Variants in SERINC5 observed in about 807,000 individuals in gnomAD.
The protein encoded by SERINC5 is serine incorporator 5.
A neutral mutation model predicts 63.1 loss-of-function variants in SERINC5; 41 were observed. The observed-to-expected ratio is 0.65, with a 90% CI of 0.51 to 0.84. The LOEUF is 0.84. Ranked by LOEUF, SERINC5 falls within the 40% of genes least tolerant of loss-of-function variation. The pLI is 0.00. For synonymous variants in SERINC5, 222 were observed against 215.2 expected, an observed-to-expected ratio of 1.03 and a Z score of -0.28; for missense variants, 523 against 573.0, an observed-to-expected ratio of 0.91 and a Z score of 0.89.
chr5:80,174,774 A>T (rs940844468), intron 5 of SERINC5, among the ~76,000 whole-genome samples, 180 bp downstream of exon 5: 2 of 152,112 alleles, frequency 1.3e-5, no homozygotes, highest in Non-Finnish European at 2.9e-5. Context: ...GCAAGGGAGT[A>T]GGGGCAGGGG....
chr5:80,139,169 G>A lies in SERINC5; in HGVS notation c.*4494C>T, dbSNP rs543875178. ...CCACATAATTTGGCTACAGCTAATC[G>A]TTTCAGAAAAGTTTAAAAAATTAGC... On this transcript the variant is annotated 3_prime_UTR_variant, in exon 12 of 12. Coordinates refer to ENST00000507668, the MANE Select transcript of SERINC5 (RefSeq NM_001174072.3). The A allele has an allele frequency of 2.0e-4, 201 of 984,746 alleles. 2 individuals are homozygous for A. In the South Asian group the frequency reaches 8.2e-3, roughly 40 times the overall value. The allele number at this position is 984,746 out of a possible 1,614,324, so 61.0% of individuals were successfully genotyped here.
intron 8 of SERINC5, among the ~76,000 whole-genome samples, chr5:80,154,603 C>T (rs544329778): frequency 6.6e-6 from 1 of 152,068 alleles, no homozygotes; most frequent in Admixed American, 6.6e-5. Flanking sequence ...CCCACCCCCC[C>T]ATAAAGGCCC....
Position 80,139,576 on chromosome 5 carries a change from G to A in SERINC5, c.*4087C>T. ...TTTCAAAATGACTGCCTCTGTGAAA[G>A]AGTTGTTGAGAAAGAAGAAAAGAGA... On this transcript the variant is annotated 3_prime_UTR_variant, in exon 12 of 12. Coordinates refer to ENST00000507668, the MANE Select transcript of SERINC5 (RefSeq NM_001174072.3). 1 of 974,568 alleles carries A rather than the reference G, an allele frequency of 1.0e-6. No individual in the cohort carries two copies. Among genetic ancestry groups the A allele is most frequent in the Non-Finnish European group, 1.2e-6 (1 of 828,452 alleles). The allele number at this position is 974,568 out of a possible 1,614,324, so 60.4% of individuals were successfully genotyped here. A position where few individuals can be genotyped will look rare whatever the true frequency, so the allele number is the denominator to read the frequency against.
At chr5:80,244,766 G>A (rs952628982) in intron 1 of SERINC5, among the ~76,000 whole-genome samples, 5 of 152,126 alleles carry the variant, frequency 3.3e-5, no homozygotes, top group Admixed American at 2.0e-4. Flanking sequence ...AGGTTGCAGT[G>A]AGCTGAGATC....
chr5:80,170,550 C>T (rs1329793171), intron 5 of SERINC5, among the ~76,000 whole-genome samples: 1 of 152,184 alleles, frequency 6.6e-6, no homozygotes, highest in Non-Finnish European at 1.5e-5. Flanking sequence ...TGAGTTTGAG[C>T]AGTCCTGAGA....
At position 80,141,407 on chromosome 5, in the gene SERINC5, C is replaced by T. The variant is rs1745495998; in HGVS notation, c.*2256G>A. On this transcript the variant is annotated 3_prime_UTR_variant, in exon 12 of 12. Coordinates refer to ENST00000507668, the MANE Select transcript of SERINC5 (RefSeq NM_001174072.3). ...TTTCTGCAGAGGAAAGGGCCAATCACGGCCAGCCAAGGAATACAAGGCCTT... is the reference window on the plus strand; with the variant it reads ...TTTCTGCAGAGGAAAGGGCCAATCATGGCCAGCCAAGGAATACAAGGCCTT... The T allele has an allele frequency of 4.3e-5, 42 of 985,316 alleles. No individual in the cohort carries two copies. Among genetic ancestry groups the T allele is most frequent in the Non-Finnish European group, 4.9e-5 (41 of 829,940 alleles). 61.0% of individuals were successfully genotyped at this position (985,316 alleles called of 1,614,324 possible).
At chr5:80,117,069 G>A (rs1430947480) in intron 11 of SERINC5, among the ~76,000 whole-genome samples, 3 of 151,978 alleles carry the variant, frequency 2.0e-5, no homozygotes, top group East Asian at 1.9e-4. Context: ...GATCTCAGGC[G>A]ATCCGCCCGC....
intron 1 of SERINC5, among the ~76,000 whole-genome samples, chr5:80,250,037 CAA>C (rs1752335227): frequency 6.6e-6 from 1 of 152,052 alleles, no homozygotes; most frequent in African/African-American, 2.4e-5. Flanking sequence ...TCACTATAAA[CAA>C]AGAGCAATAG....
intron 1 of SERINC5, among the ~76,000 whole-genome samples, chr5:80,203,986 C>T (rs997664615): frequency 6.6e-5 from 10 of 152,182 alleles, no homozygotes; most frequent in Non-Finnish European, 1.2e-4. Context: ...CATAAAAACC[C>T]TAATCAATGG....
At chr5:80,177,189 T>C (rs1480313786) in intron 4 of SERINC5, 126 bp downstream of exon 4, 5 of 662,522 alleles carry the variant, frequency 7.5e-6, no homozygotes, top group African/African-American at 1.8e-5. Context: ...AGTCAGGAAT[T>C]TCTTTTGAAG....
intron 1 of SERINC5, among the ~76,000 whole-genome samples, chr5:80,230,976 T>C (rs1751415820): frequency 6.8e-6 from 1 of 147,944 alleles, no homozygotes; most frequent in Non-Finnish European, 1.5e-5. Context: ...CCAACCTGGC[T>C]AATATTTGTA....
At chr5:80,255,647 C>T (rs2112628359) in intron 1 of SERINC5, among the ~76,000 whole-genome samples, 1 of 152,332 alleles carries the variant, frequency 6.6e-6, no homozygotes, top group Non-Finnish European at 1.5e-5. Flanking sequence ...CCCCGCTCCA[C>T]GCGGAGTCCC....
chr5:80,192,132 G>C (rs1421758166), intron 2 of SERINC5, among the ~76,000 whole-genome samples: 3 of 152,222 alleles, frequency 2.0e-5, no homozygotes, highest in Admixed American at 6.5e-5. Context: ...GGCCTCCAGT[G>C]TGTACTAGCT....
intron 5 of SERINC5, among the ~76,000 whole-genome samples, chr5:80,174,349 A>C (rs1747872177): frequency 7.3e-6 from 1 of 137,840 alleles, no homozygotes; most frequent in Non-Finnish European, 1.5e-5. Flanking sequence ...CCTGAATGAC[A>C]AAGTGGGATC....
intron 2 of SERINC5, among the ~76,000 whole-genome samples, chr5:80,191,542 T>C (rs1264570699): frequency 6.8e-6 from 1 of 147,296 alleles, no homozygotes; most frequent in African/African-American, 2.5e-5. Context: ...TGCACATCTA[T>C]GGTCCCGGTT....
chr5:80,146,940 T>C (rs1359221765), intron 10 of SERINC5, among the ~76,000 whole-genome samples: 1 of 152,226 alleles, frequency 6.6e-6, no homozygotes, highest in Non-Finnish European at 1.5e-5. Context: ...TCAGGACCTC[T>C]TGGTATTTTC....
Position 80,166,398 on chromosome 5 carries a change from T to A in SERINC5, c.844A>T (p.Lys282Ter). The change falls in exon 7 of 12, where the codon AAA becomes TAA. Residue 282 changes from lysine to a stop codon, truncating the protein, a stop_gained. Transcript: ENST00000507668. LOFTEE classifies it high-confidence loss of function. ...GCTGGCTTACCTACTTCTGCAGGTTTGCTGGACAGAGCTGAGAAGGTGAGG... is the reference window on the plus strand; with the variant it reads ...GCTGGCTTACCTACTTCTGCAGGTTAGCTGGACAGAGCTGAGAAGGTGAGG... Reference protein sequence around the residue: ...TYLTFSALSSKPAEVVLDEHG... With the variant: ...TYLTFSALSS 3.1e-6 allele frequency: 5 copies of A among 1,588,204 alleles called. No individual in the cohort carries two copies. The highest frequency in any genetic ancestry group is 4.3e-6 in the Non-Finnish European group (5 of 1,166,992).
At chr5:80,174,470 A>G (rs1053408053) in intron 5 of SERINC5, among the ~76,000 whole-genome samples, 1 of 151,900 alleles carries the variant, frequency 6.6e-6, no homozygotes, top group African/African-American at 2.4e-5. Flanking sequence ...TGACCTTTCT[A>G]TCCTACTGTT....
At chr5:80,237,685 A>G (rs1023561930) in intron 1 of SERINC5, among the ~76,000 whole-genome samples, 1 of 152,048 alleles carries the variant, frequency 6.6e-6, no homozygotes, top group Non-Finnish European at 1.5e-5. Flanking sequence ...ATCCATAATG[A>G]AAGGCAAATG....
Sources: allele counts gnomAD v4.1 joint callset (sites outside exome capture counted in the v4.1 genomes callset), GRCh38; gene constraint gnomAD v4.1.1; transcripts MANE v1.5; gene names NCBI Gene and HGNC (gene_info 2026-07-23, HGNC 2026-07-21).